ARHGAP25: variants seen among roughly 807,000 people sequenced by gnomAD.
ARHGAP25 encodes rho GTPase-activating protein 25.
Under a neutral mutation model 71.0 loss-of-function variants are expected in ARHGAP25, and 34 were observed. The observed-to-expected ratio is 0.48, with a 90% CI of 0.36 to 0.64. ARHGAP25 has a LOEUF of 0.64. ARHGAP25 is among the 30% of genes least tolerant of loss of function. The probability of loss-of-function intolerance (pLI) is 0.00; values close to 1 mark genes in which losing one functional copy is unlikely to be tolerated. For missense variants in ARHGAP25, 706 were observed against 805.1 expected, an observed-to-expected ratio of 0.88 and a Z score of 1.49; for synonymous variants, 282 against 296.5, an observed-to-expected ratio of 0.95 and a Z score of 0.50.
intron 2 of ARHGAP25, among the ~76,000 whole-genome samples, chr2:68,725,986 A>C (rs1674873964): frequency 6.6e-6 from 1 of 152,116 alleles, no homozygotes; most frequent in African/African-American, 2.4e-5. Context: ...AACTATTTAA[A>C]AATGCAATCT....
At chr2:68,716,880 T>C (rs1016155774) in intron 2 of ARHGAP25, among the ~76,000 whole-genome samples, 12 of 152,190 alleles carry the variant, frequency 7.9e-5, no homozygotes, top group Non-Finnish European at 1.0e-4. Context: ...TCATGTAGAT[T>C]CTATCTCTCT....
intron 2 of ARHGAP25, among the ~76,000 whole-genome samples, chr2:68,718,543 G>C (rs1247453815): frequency 6.6e-6 from 1 of 152,066 alleles, no homozygotes. Flanking sequence ...GTGTGTGTGT[G>C]TGTGTGTATG....
chr2:68,744,935 G>A (rs1023643761), intron 1 of ARHGAP25, among the ~76,000 whole-genome samples: 8 of 152,166 alleles, frequency 5.3e-5, no homozygotes, highest in Non-Finnish European at 1.2e-4. Flanking sequence ...TGATAATGTA[G>A]TCAACTTTGT....
At chr2:68,752,362 G>C (rs1676229168) in intron 1 of ARHGAP25, among the ~76,000 whole-genome samples, 2 of 151,622 alleles carry the variant, frequency 1.3e-5, no homozygotes, top group South Asian at 4.1e-4. Context: ...ATTTAAAGGA[G>C]ACACCTGCCA....
Position 68,826,330 on chromosome 2 carries a change from A to G in ARHGAP25, c.*136A>G, listed in dbSNP as rs953078080. 2.6e-5 allele frequency: 22 copies of G among 854,082 alleles called. No homozygotes were observed. The African/African-American group carries it at 3.3e-4, about 13-fold the overall frequency. The allele number at this position is 854,082 out of a possible 1,614,324, so 52.9% of individuals were successfully genotyped here. ...TTTGAGGGAAACATCAAATTTCCCC[A>G]TAAATAAATGAATGGAGTTTGCAGG... On this transcript the variant is annotated 3_prime_UTR_variant, in exon 11 of 11. Coordinates refer to ENST00000409202, the MANE Select transcript of ARHGAP25 (RefSeq NM_001007231.3).
chr2:68,723,770 G>C lies in ARHGAP25; in HGVS notation c.-18+13072G>C, dbSNP rs760168125. 1.1e-4 allele frequency among the ~76,000 whole-genome samples: 16 copies of C among 152,296 alleles called. 1 individual carries two copies. Among genetic ancestry groups the C allele is most frequent in the Middle Eastern group, 3.4e-3 (1 of 294 alleles). On this transcript the variant is annotated intron_variant and NMD_transcript_variant, in intron 2 of 7. Coordinates refer to the ARHGAP25 transcript ENST00000463483. ...CAGAAGGGGTCAACCAGGCCCTTCA[G>C]GGTGGTTTATTTCATTTTGGAAGGA...
At chr2:68,783,976 A>G (rs752450679) in intron 3 of ARHGAP25, among the ~76,000 whole-genome samples, 3 of 152,188 alleles carry the variant, frequency 2.0e-5, no homozygotes, top group Non-Finnish European at 2.9e-5. Context: ...TTCAATCTAG[A>G]GTAACCCTAC....
Position 68,787,867 on chromosome 2 carries a change from A to T in ARHGAP25, c.377A>T (p.Gln126Leu), listed in dbSNP as rs1051685079. 4 of 1,614,098 alleles carry T rather than the reference A, an allele frequency of 2.5e-6. No homozygotes were observed. The East Asian group carries it at 6.7e-5, about 27-fold the overall frequency. The change falls in exon 4 of 11, where the codon CAG (glutamine) becomes CTG (leucine). Residue 126 changes from glutamine to leucine, a missense_variant. Gln to Leu is a moderately radical substitution (Grantham distance 113). Transcript: ENST00000409202. The part of the protein sequence containing the change: ...PASWDQNRMG[Q>L]DSYVLMASSQ... ...TCATGGGACCAGAATCGCATGGGAC[A>T]GGACTCCTATGTCCTCATGGCCAGC...
intron 3 of ARHGAP25, among the ~76,000 whole-genome samples, chr2:68,785,176 T>C (rs1043861118): frequency 2.0e-5 from 3 of 152,174 alleles, no homozygotes; most frequent in Non-Finnish European, 2.9e-5. Context: ...TTGCAGGCAA[T>C]GTGAGAACTT....
chr2:68,808,406 T>A (rs911787583), intron 5 of ARHGAP25, among the ~76,000 whole-genome samples: 1 of 152,196 alleles, frequency 6.6e-6, no homozygotes, highest in African/African-American at 2.4e-5. Context: ...AGAAGCTCCC[T>A]CACCCCTCAC....
chr2:68,809,697 T>C (rs566362529), intron 5 of ARHGAP25, among the ~76,000 whole-genome samples: 2 of 152,236 alleles, frequency 1.3e-5, no homozygotes, highest in South Asian at 4.1e-4. Context: ...GAAGGGGTAT[T>C]TGGGAGAGCA....
At chr2:68,775,755 C>T (rs1318698625) in intron 2 of ARHGAP25, 2 of 507,418 alleles carry the variant, frequency 3.9e-6, no homozygotes, top group Non-Finnish European at 7.6e-6. Flanking sequence ...TTTTGGGACT[C>T]ATTGATTTGT....
At chr2:68,756,192 C>T (rs1676469895) in intron 1 of ARHGAP25, among the ~76,000 whole-genome samples, 1 of 152,228 alleles carries the variant, frequency 6.6e-6, no homozygotes. Flanking sequence ...CATCCTCTAC[C>T]CCTAGCCCTG....
Position 68,728,349 on chromosome 2 carries a change from C to T in ARHGAP25, c.-18+17651C>T, listed in dbSNP as rs138010076. On this transcript the variant is annotated intron_variant and NMD_transcript_variant, in intron 2 of 7. Coordinates refer to the ARHGAP25 transcript ENST00000463483. ...TGATGATAACAAGTGTTGGGGAATA[C>T]GTGGAAAAAAATGAAACCCTCATAC... Among the ~76,000 whole-genome samples the T allele has an allele frequency of 9.2e-5, 14 of 152,156 alleles. No individual in the cohort carries two copies. The East Asian group carries it at 1.2e-3, about 13-fold the overall frequency.
At chr2:68,772,446 G>A (rs1204112051) in intron 1 of ARHGAP25, among the ~76,000 whole-genome samples, 1 of 152,240 alleles carries the variant, frequency 6.6e-6, no homozygotes, top group African/African-American at 2.4e-5. Context: ...CAGTTGGATG[G>A]TCACAAAAGC....
At chr2:68,789,375 T>C (rs1047662095) in intron 4 of ARHGAP25, among the ~76,000 whole-genome samples, 1 of 152,208 alleles carries the variant, frequency 6.6e-6, no homozygotes, top group Non-Finnish European at 1.5e-5. Context: ...TTTATTTGGT[T>C]ACAAATAGAA....
intron 4 of ARHGAP25, among the ~76,000 whole-genome samples, chr2:68,802,113 G>C (rs1229474206): frequency 6.6e-6 from 1 of 152,102 alleles, no homozygotes; most frequent in African/African-American, 2.4e-5. Context: ...AGCATATTTG[G>C]AATGTACCAA....
chr2:68,772,021 C>T (rs4340556), intron 1 of ARHGAP25, among the ~76,000 whole-genome samples: 128,041 of 152,266 alleles, frequency 0.84, 54,219 homozygotes, highest in African/African-American at 0.88. Flanking sequence ...CATTCTGCAA[C>T]GCACACGTGC....
intron 4 of ARHGAP25, among the ~76,000 whole-genome samples, chr2:68,798,062 G>T (rs563900873): frequency 5.3e-5 from 8 of 152,116 alleles, no homozygotes; most frequent in African/African-American, 1.9e-4. Context: ...TTCTCTAAGC[G>T]GATGAGATTA....
Sources: allele counts gnomAD v4.1 joint callset (sites outside exome capture counted in the v4.1 genomes callset), GRCh38; gene constraint gnomAD v4.1.1; transcripts MANE v1.5; gene names NCBI Gene and HGNC (gene_info 2026-07-23, HGNC 2026-07-21).